SIPA1L1: variants seen among roughly 807,000 people sequenced by gnomAD.
The protein encoded by SIPA1L1 is signal induced proliferation associated 1 like 1.
In SIPA1L1, 26 loss-of-function variants were observed where a neutral mutation model predicts 162.7. That is an observed-to-expected ratio of 0.16 (90% CI 0.12 to 0.22). The LOEUF is 0.22. SIPA1L1 is among the 10% of genes least tolerant of loss of function. The pLI is 1.00. For missense variants in SIPA1L1, 1,874 were observed against 2,241.0 expected (o/e 0.84, Z 3.31); for synonymous variants, 829 against 837.4 (o/e 0.99, Z 0.17).
At chr14:71,492,803 T>A (rs1207916087) in intron 2 of SIPA1L1, among the ~76,000 whole-genome samples, 1 of 151,802 alleles carries the variant, frequency 6.6e-6, no homozygotes, top group Non-Finnish European at 1.5e-5. Flanking sequence ...TTTTTTTTTT[T>A]TAATGTAGGG....
chr14:71,357,561 G>T (rs1359531587), intron 2 of SIPA1L1, among the ~76,000 whole-genome samples: 5 of 152,036 alleles, frequency 3.3e-5, no homozygotes, highest in African/African-American at 1.2e-4. Context: ...TGATAACACT[G>T]GTGCTCTTTT....
At chr14:71,713,013 G>A (rs2082991320) in intron 17 of SIPA1L1, among the ~76,000 whole-genome samples, 1 of 152,110 alleles carries the variant, frequency 6.6e-6, no homozygotes, top group Admixed American at 6.6e-5. Flanking sequence ...CATAGGCCGT[G>A]CCAACATGAG....
chr14:71,693,770 A>G (rs1472526563), intron 13 of SIPA1L1, among the ~76,000 whole-genome samples: 1 of 148,148 alleles, frequency 6.8e-6, no homozygotes, highest in African/African-American at 2.5e-5. Flanking sequence ...GTTGATATAC[A>G]TGGCTGAAGA....
chr14:71,360,318 A>G (rs2037686421), intron 2 of SIPA1L1, among the ~76,000 whole-genome samples: 1 of 152,240 alleles, frequency 6.6e-6, no homozygotes, highest in Admixed American at 6.5e-5. Flanking sequence ...GATGATAGAT[A>G]ATGTCTTAGG....
Position 71,650,323 on chromosome 14 carries a change from C to G in SIPA1L1, c.1819-12C>G. On this transcript the variant is annotated splice_polypyrimidine_tract_variant and intron_variant, in intron 7 of 23. Coordinates refer to ENST00000381232, the MANE Select transcript of SIPA1L1 (RefSeq NM_001386936.1). ...CCTATATTTATATGCATCGTATTAC[C>G]TGCCTTCACAGCTGAACTACCAGCA... is the stretch of plus-strand genomic sequence containing the variant. 1 of 1,613,818 alleles carries G rather than the reference C, an allele frequency of 6.2e-7. No homozygotes were observed. The highest frequency in any genetic ancestry group is 8.5e-7 in the Non-Finnish European group (1 of 1,179,748).
intron 10 of SIPA1L1, among the ~76,000 whole-genome samples, chr14:71,669,483 A>G (rs937012491): frequency 1.3e-5 from 2 of 152,246 alleles, no homozygotes; most frequent in Non-Finnish European, 2.9e-5. Flanking sequence ...AGTGAAAGAT[A>G]TTAAATATTT....
At chr14:71,537,006 T>C (rs1364902076) in intron 4 of SIPA1L1, among the ~76,000 whole-genome samples, 1 of 152,144 alleles carries the variant, frequency 6.6e-6, no homozygotes, top group Non-Finnish European at 1.5e-5. Context: ...TCTGAACTCT[T>C]GTCTTCTTAT....
intron 6 of SIPA1L1, among the ~76,000 whole-genome samples, chr14:71,619,130 G>C (rs2039147099): frequency 6.6e-6 from 1 of 152,078 alleles, no homozygotes; most frequent in South Asian, 2.1e-4. Context: ...TTCAGAGAAA[G>C]ATATGTCCAT....
chr14:71,565,562 C>A (rs1350081253), intron 4 of SIPA1L1, among the ~76,000 whole-genome samples: 1 of 152,166 alleles, frequency 6.6e-6, no homozygotes, highest in African/African-American at 2.4e-5. Context: ...TAATCTGTAA[C>A]AAACTCCTTG....
intron 4 of SIPA1L1, among the ~76,000 whole-genome samples, chr14:71,559,731 T>C (rs951934271): frequency 3.3e-5 from 5 of 152,224 alleles, no homozygotes; most frequent in Non-Finnish European, 2.9e-5. Flanking sequence ...TTTCTGCATT[T>C]TTTCTACGAA....
intron 1 of SIPA1L1, 55 bp from the exon 2 acceptor site, chr14:71,321,067 G>A (rs1388430736): frequency 6.6e-6 from 1 of 152,006 alleles, no homozygotes; most frequent in Non-Finnish European, 1.5e-5. Flanking sequence ...TCTCCGCAGA[G>A]GAGGCGGCGA....
chr14:71,592,292 C>T (rs2035504223), intron 5 of SIPA1L1, among the ~76,000 whole-genome samples: 1 of 152,058 alleles, frequency 6.6e-6, no homozygotes, highest in South Asian at 2.1e-4. Flanking sequence ...CTCTGGATAA[C>T]AAAATTTGGA....
intron 2 of SIPA1L1, among the ~76,000 whole-genome samples, chr14:71,347,364 A>T (rs773245783): frequency 2.0e-5 from 3 of 152,100 alleles, no homozygotes; most frequent in Non-Finnish European, 4.4e-5. Context: ...GTAATATTCT[A>T]TTCTAATAAC....
At chr14:71,342,185 G>T (rs531789847) in intron 2 of SIPA1L1, among the ~76,000 whole-genome samples, 1 of 151,884 alleles carries the variant, frequency 6.6e-6, no homozygotes, top group Admixed American at 6.6e-5. Context: ...TATATTTTTT[G>T]TAGAGATGGG....
rs920453661 is a variant in SIPA1L1 at position 71,740,279 on chromosome 14, A to T, written c.*1118A>T. 6.6e-6 allele frequency: 1 copy of T among 152,244 alleles called. No individual in the cohort carries two copies. Among genetic ancestry groups the T allele is most frequent in the Non-Finnish European group, 1.5e-5 (1 of 68,036 alleles). 9.4% of individuals were successfully genotyped at this position (152,244 alleles called of 1,614,324 possible). A position where few individuals can be genotyped will look rare whatever the true frequency, so the allele number is the denominator to read the frequency against. ...CCTGCATGTCCCAGTGTGAAATTTC[A>T]GCACGGCATTTTCTGCATCCTTTCA... On this transcript the variant is annotated 3_prime_UTR_variant, in exon 24 of 24. Coordinates refer to ENST00000381232, the MANE Select transcript of SIPA1L1 (RefSeq NM_001386936.1).
chr14:71,721,710 C>T (rs768806661), intron 17 of SIPA1L1, among the ~76,000 whole-genome samples: 1 of 152,220 alleles, frequency 6.6e-6, no homozygotes, highest in Non-Finnish European at 1.5e-5. Context: ...TCTCCCCAAA[C>T]TTCCCTGCCT....
intron 2 of SIPA1L1, among the ~76,000 whole-genome samples, chr14:71,462,555 T>C (rs1305750001): frequency 6.6e-6 from 1 of 152,218 alleles, no homozygotes; most frequent in East Asian, 1.9e-4. Context: ...AGGAGCCAAA[T>C]GCAGCAACTT....
rs1327903716 is a variant in SIPA1L1 at position 71,401,470 on chromosome 14, T to C, written c.-465+80289T>C. On this transcript the variant is annotated intron_variant, in intron 2 of 23. Coordinates refer to ENST00000381232, the MANE Select transcript of SIPA1L1 (RefSeq NM_001386936.1). ...GACGTATTTTTCTTTGTTGTTCGTC[T>C]GTTTGTTCAACTCTGCAGTTATATT... Among the ~76,000 whole-genome samples the C allele has an allele frequency of 2.0e-5, 3 of 152,226 alleles. No individual in the cohort carries two copies. The East Asian group carries it at 5.8e-4, about 29-fold the overall frequency.
intron 12 of SIPA1L1, among the ~76,000 whole-genome samples, chr14:71,680,867 G>T (rs1047061678): frequency 6.6e-6 from 1 of 152,162 alleles, no homozygotes; most frequent in Non-Finnish European, 1.5e-5. Flanking sequence ...GGGGCGTCAT[G>T]GGCCAGGGTT....
Sources: gnomAD v4.1 joint callset for allele counts (sites outside exome capture counted in the v4.1 genomes callset) on GRCh38, gnomAD v4.1.1 for gene constraint, MANE v1.5 for transcripts, NCBI Gene and HGNC (gene_info 2026-07-23, HGNC 2026-07-21) for gene names.